Variants in MLXIP observed in about 807,000 individuals in gnomAD.
MLXIP encodes the protein MLX interacting protein, also known as MLX-interacting protein.
In MLXIP, 30 loss-of-function variants were observed where a neutral mutation model predicts 87.2. The ratio of observed to expected loss-of-function variants is 0.34; its 90% CI spans 0.26 to 0.47. The LOEUF (loss-of-function observed/expected upper bound fraction) is 0.47. Ranked by LOEUF, MLXIP falls within the 20% of genes least tolerant of loss-of-function variation. The probability of loss-of-function intolerance (pLI) is 1.00; values close to 1 mark genes in which losing one functional copy is unlikely to be tolerated. For synonymous variants in MLXIP, 530 were observed against 514.0 expected (o/e 1.03, Z -0.42); for missense variants, 1,002 against 1,240.1 (o/e 0.81, Z 2.88).
At chr12:122,083,737 G>A (rs1455708531) in intron 1 of MLXIP, among the ~76,000 whole-genome samples, 3 of 152,174 alleles carry the variant, frequency 2.0e-5, no homozygotes, top group African/African-American at 2.4e-5. Flanking sequence ...TGATCAAAGC[G>A]GGAATCTGTG....
chr12:122,112,997 C>A (rs1952628143), intron 1 of MLXIP, among the ~76,000 whole-genome samples: 1 of 152,112 alleles, frequency 6.6e-6, no homozygotes, highest in African/African-American at 2.4e-5. Context: ...TAAATTTTGA[C>A]TATGTTAATG....
intron 1 of MLXIP, among the ~76,000 whole-genome samples, chr12:122,096,720 C>T (rs1356650956): frequency 2.0e-5 from 3 of 152,180 alleles, no homozygotes; most frequent in Admixed American, 6.5e-5. Flanking sequence ...GGACTGATGC[C>T]GCAGCTTGCA....
chr12:122,129,972 G>A lies in MLXIP; in HGVS notation c.770G>A (p.Gly257Glu), dbSNP rs745682322. The A allele has an allele frequency of 1.2e-6, 2 of 1,613,908 alleles. No individual in the cohort carries two copies. The highest frequency in any genetic ancestry group is 1.1e-5 in the South Asian group (1 of 91,066). The change falls in exon 6 of 17, where the codon GGG becomes GAG. Residue 257 changes from glycine (G) to glutamate (E), a missense_variant. By Grantham distance (98) the Gly-to-Glu change is moderately conservative. Around this residue, in one of 3 missense-constraint regions of MLXIP, gnomAD observed 746 missense variants for 897.0 expected, o/e 0.83. Coordinates refer to ENST00000319080, the MANE Select transcript of MLXIP (RefSeq NM_014938.6). ...DDDMLYWHKH[G>E]DGWKTPVPME... ...GACATGCTGTATTGGCACAAGCACG[G>A]GGATGGATGGAAGACCCCCGTCCCC...
chr12:122,142,662 A>G lies in MLXIP; in HGVS notation c.*850A>G, dbSNP rs1953230669. On this transcript the variant is annotated 3_prime_UTR_variant, in exon 17 of 17. Transcript: ENST00000319080. ...AGCTGCAGCTGTTGACAGATCAAGC[A>G]TGTCCTGTGGGAGCTTAGAACCCTG... is the stretch of plus-strand genomic sequence containing the variant. The G allele has an allele frequency of 4.2e-6, 1 of 240,830 alleles. No individual in the cohort carries two copies. Among genetic ancestry groups the G allele is most frequent in the Admixed American group, 4.9e-5 (1 of 20,580 alleles). The allele number at this position is 240,830 out of a possible 1,614,324, so 14.9% of individuals were successfully genotyped here.
chr12:122,083,419 C>CTT (rs796702658), intron 1 of MLXIP, among the ~76,000 whole-genome samples: 1 of 145,222 alleles, frequency 6.9e-6, no homozygotes, highest in Non-Finnish European at 1.5e-5. Flanking sequence ...ACCCTTCATT[C>CTT]TTTTTTTTTT....
At chr12:122,121,468 A>G (rs1483041225) in intron 1 of MLXIP, among the ~76,000 whole-genome samples, 1 of 150,794 alleles carries the variant, frequency 6.6e-6, no homozygotes. Context: ...GGATTTCACC[A>G]TGTTGGCCAG....
chr12:122,117,855 A>G (rs1050102817), intron 1 of MLXIP, among the ~76,000 whole-genome samples: 5 of 152,232 alleles, frequency 3.3e-5, no homozygotes, highest in African/African-American at 1.2e-4. Context: ...ATTAACAACA[A>G]TAATAACATA....
intron 1 of MLXIP, among the ~76,000 whole-genome samples, chr12:122,101,153 C>T (rs926461001): frequency 6.6e-6 from 1 of 152,328 alleles, no homozygotes; most frequent in Middle Eastern, 3.4e-3. Flanking sequence ...TGGACATTCA[C>T]TTCTTCCCCT....
Position 122,142,151 on chromosome 12 carries a change from GCGGAAT to G in MLXIP, c.*342_*347del, listed in dbSNP as rs1217283862. On this transcript the variant is annotated 3_prime_UTR_variant, in exon 17 of 17. Transcript: ENST00000319080. ...GGCCTGCCGGGCCTGGCGCCGGTGA[GCGGAAT>G]CGATGGGATGAGGGTGACAGGGCCT... The G allele has an allele frequency of 1.4e-6, 1 of 701,464 alleles. No homozygotes were observed. Among genetic ancestry groups the G allele is most frequent in the Non-Finnish European group, 2.6e-6 (1 of 384,790 alleles). The allele number at this position is 701,464 out of a possible 1,614,324, so 43.5% of individuals were successfully genotyped here.
chr12:122,093,975 GGTGT>G (rs1232160114), intron 1 of MLXIP, among the ~76,000 whole-genome samples: 8 of 144,806 alleles, frequency 5.5e-5, no homozygotes, highest in South Asian at 2.3e-4. Flanking sequence ...ATGTGTGTGT[GGTGT>G]GTGTGTGTTT....
At chr12:122,085,210 C>G (rs939802832) in intron 1 of MLXIP, among the ~76,000 whole-genome samples, 2 of 152,056 alleles carry the variant, frequency 1.3e-5, no homozygotes, top group Non-Finnish European at 2.9e-5. Context: ...AACATCGCAT[C>G]CCCCTGGAAG....
rs1343190265 is a variant in MLXIP at position 122,143,297 on chromosome 12, G to A, written c.*1485G>A. The stretch of plus-strand genomic sequence containing the variant: ...TAGATCCAGTTGGAGGTTCTCCCTG[G>A]CTCCTGCAGGCCTGCGGGGATCTCT... On this transcript the variant is annotated 3_prime_UTR_variant, in exon 17 of 17. Transcript: ENST00000319080. The A allele has an allele frequency of 1.3e-5, 2 of 152,350 alleles. No homozygotes were observed. The highest frequency in any genetic ancestry group is 4.8e-5 in the African/African-American group (2 of 41,464). The allele number at this position is 152,350 out of a possible 1,614,324, so 9.4% of individuals were successfully genotyped here.
At chr12:122,123,755 A>G (rs1215253843) in intron 1 of MLXIP, among the ~76,000 whole-genome samples, 2 of 152,020 alleles carry the variant, frequency 1.3e-5, no homozygotes, top group Non-Finnish European at 2.9e-5. Context: ...GCTGGAGTGC[A>G]TTGGTGCCAT....
At chr12:122,101,587 T>TC (rs1952438689) in intron 1 of MLXIP, among the ~76,000 whole-genome samples, 1 of 143,534 alleles carries the variant, frequency 7.0e-6, no homozygotes, top group Admixed American at 6.9e-5. Context: ...TTTTTTTCTT[T>TC]TTTTTTTTTT....
chr12:122,130,241 A>G, intron 6 of MLXIP, 129 bp downstream of exon 6: 1 of 952,220 alleles, frequency 1.1e-6, no homozygotes, highest in South Asian at 1.7e-5. Context: ...GCAGGCAGTA[A>G]GGAAGGGAAG....
At chr12:122,101,574 CT>C (rs570174397) in intron 1 of MLXIP, among the ~76,000 whole-genome samples, 5 of 61,812 alleles carry the variant, frequency 8.1e-5, no homozygotes, top group Admixed American at 4.3e-4. Context: ...TTATTTTTTT[CT>C]TTTTTTTTCT....
intron 1 of MLXIP, among the ~76,000 whole-genome samples, chr12:122,088,025 G>A (rs1486315790): frequency 2.0e-5 from 3 of 152,224 alleles, no homozygotes; most frequent in Admixed American, 2.0e-4. Flanking sequence ...GGACACCACA[G>A]TGCACAAAGC....
chr12:122,144,131 T>A lies in MLXIP; in HGVS notation c.*2319T>A, dbSNP rs1953258493. On this transcript the variant is annotated 3_prime_UTR_variant, in exon 17 of 17. Transcript: ENST00000319080. ...CCTAGATTTGACCTCTGTCCTGGGC[T>A]CCTGGGCCAGGTGCAGGAACATCTG... 6.5e-6 allele frequency: 1 copy of A among 152,692 alleles called. No homozygotes were observed. The allele number at this position is 152,692 out of a possible 1,614,324, so 9.5% of individuals were successfully genotyped here.
chr12:122,138,653 T>A (rs551601186), intron 14 of MLXIP, 102 bp downstream of exon 14: 2 of 1,505,008 alleles, frequency 1.3e-6, no homozygotes, highest in Non-Finnish European at 1.8e-6. Flanking sequence ...GGTCAGTGCC[T>A]CTTTGCTGCA....
Sources: allele counts gnomAD v4.1 joint callset (sites outside exome capture counted in the v4.1 genomes callset), GRCh38; gene constraint gnomAD v4.1.1; regional missense constraint gnomAD v4.1.1; transcripts MANE v1.5; gene names NCBI Gene and HGNC (gene_info 2026-07-23, HGNC 2026-07-21).